UST: variants seen among roughly 807,000 people sequenced by gnomAD.
UST encodes the protein chondroitin sulfate 2-O-sulfotransferase.
Under a neutral mutation model 45.6 loss-of-function variants are expected in UST, and 21 were observed. The ratio of observed to expected loss-of-function variants is 0.46; its 90% CI spans 0.33 to 0.66. The LOEUF is 0.66. Among genes scored for constraint, UST ranks in the 30% least tolerant of loss-of-function variants. UST has a pLI of 0.02. For synonymous variants in UST, 215 were observed against 200.6 expected, an observed-to-expected ratio of 1.07 and a Z score of -0.61; for missense variants, 463 against 512.4, an observed-to-expected ratio of 0.90 and a Z score of 0.93.
At chr6:148,946,029 C>A (rs1298800447) in intron 3 of UST, among the ~76,000 whole-genome samples, 2 of 152,184 alleles carry the variant, frequency 1.3e-5, no homozygotes, top group Non-Finnish European at 2.9e-5. Flanking sequence ...AACACTATTT[C>A]CTTACAATAT....
intron 2 of UST, among the ~76,000 whole-genome samples, chr6:148,906,624 T>C (rs879758562): frequency 6.6e-6 from 1 of 152,202 alleles, no homozygotes; most frequent in Admixed American, 6.5e-5. Flanking sequence ...GGTGATAGTA[T>C]AGTATTTGGG....
At chr6:148,749,173 T>A (rs1775942344) in intron 1 of UST, among the ~76,000 whole-genome samples, 1 of 152,204 alleles carries the variant, frequency 6.6e-6, no homozygotes, top group Non-Finnish European at 1.5e-5. Flanking sequence ...ATAGAGGATT[T>A]GGGGCAATAT....
intron 7 of UST, among the ~76,000 whole-genome samples, chr6:149,035,724 C>T (rs1462658325): frequency 2.0e-5 from 3 of 151,758 alleles, no homozygotes; most frequent in African/African-American, 7.3e-5. Context: ...CAAGATTGTG[C>T]CACTGCGCTT....
At position 148,906,011 on chromosome 6, in the gene UST, A is replaced by C. The variant is rs150445351; in HGVS notation, c.291+18982A>C. Among the ~76,000 whole-genome samples the C allele has an allele frequency of 6.0e-3, 900 of 150,962 alleles. 9 individuals carry two copies. The highest frequency in any genetic ancestry group is 0.021 in the African/African-American group (843 of 40,262). ...ATACATCTTTTTTGGCTTAATGGAT[A>C]TGTACTAATTATGTGTACCTAGAGG... On this transcript the variant is annotated intron_variant, in intron 2 of 7. Transcript: ENST00000367463.
intron 1 of UST, among the ~76,000 whole-genome samples, chr6:148,854,172 G>A (rs1440323480): frequency 1.3e-5 from 2 of 152,208 alleles, no homozygotes. Flanking sequence ...ATTGCAGTGA[G>A]CATTGCCAAA....
At chr6:148,862,045 A>G (rs1003796947) in intron 1 of UST, among the ~76,000 whole-genome samples, 2 of 152,176 alleles carry the variant, frequency 1.3e-5, no homozygotes, top group Admixed American at 6.5e-5. Context: ...CAATTCCTGG[A>G]TATCCCTATT....
intron 5 of UST, among the ~76,000 whole-genome samples, chr6:149,001,524 A>G (rs1311771800): frequency 6.6e-6 from 1 of 152,234 alleles, no homozygotes; most frequent in Non-Finnish European, 1.5e-5. Flanking sequence ...AGTTAGGCTC[A>G]TAGCAGACTT....
At chr6:149,062,145 AT>A (rs574086656) in intron 7 of UST, among the ~76,000 whole-genome samples, 2 of 152,194 alleles carry the variant, frequency 1.3e-5, no homozygotes, top group Non-Finnish European at 2.9e-5. Context: ...TTGGCTAAGT[AT>A]TTGCAAGCGT....
At chr6:148,871,964 T>C (rs1371450541) in intron 1 of UST, among the ~76,000 whole-genome samples, 3 of 152,200 alleles carry the variant, frequency 2.0e-5, no homozygotes, top group Non-Finnish European at 4.4e-5. Flanking sequence ...TAACCTCTCA[T>C]TGCTTTGATT....
chr6:148,830,897 A>G (rs747610562), intron 1 of UST, among the ~76,000 whole-genome samples: 1 of 152,204 alleles, frequency 6.6e-6, no homozygotes, highest in Non-Finnish European at 1.5e-5. Flanking sequence ...TGACTGCACA[A>G]CATTGTGAAT....
chr6:148,758,166 C>G (rs879629395), intron 1 of UST, among the ~76,000 whole-genome samples: 39 of 152,262 alleles, frequency 2.6e-4, no homozygotes, highest in African/African-American at 8.4e-4. Context: ...CACTGATAAC[C>G]TGACTTCCAA....
chr6:148,821,268 G>T (rs886986836), intron 1 of UST, among the ~76,000 whole-genome samples: 1 of 151,938 alleles, frequency 6.6e-6, no homozygotes, highest in Non-Finnish European at 1.5e-5. Flanking sequence ...ACCGCACCTG[G>T]CTGTATTTTT....
chr6:148,917,636 C>T (rs1039179326), intron 2 of UST, among the ~76,000 whole-genome samples: 1 of 152,192 alleles, frequency 6.6e-6, no homozygotes, highest in Non-Finnish European at 1.5e-5. Context: ...ACACTGTACT[C>T]AAAATCTGAG....
intron 1 of UST, among the ~76,000 whole-genome samples, chr6:148,758,599 C>T (rs892940895): frequency 6.6e-6 from 1 of 152,192 alleles, no homozygotes; most frequent in African/African-American, 2.4e-5. Context: ...TCCAGTAGTA[C>T]GCCCACTTTC....
intron 5 of UST, among the ~76,000 whole-genome samples, chr6:148,995,176 CA>C (rs1781430412): frequency 6.6e-6 from 1 of 152,160 alleles, no homozygotes; most frequent in Non-Finnish European, 1.5e-5. Context: ...AGGCACGCAC[CA>C]CCACACTTGG....
intron 5 of UST, among the ~76,000 whole-genome samples, chr6:149,014,751 A>G (rs1368479010): frequency 1.3e-5 from 2 of 152,238 alleles, no homozygotes; most frequent in Non-Finnish European, 2.9e-5. Flanking sequence ...ATACACAGAC[A>G]GCTCATGAAG....
chr6:149,029,371 TATA>T (rs1776101244), intron 7 of UST, among the ~76,000 whole-genome samples: 1 of 147,154 alleles, frequency 6.8e-6, no homozygotes, highest in Admixed American at 6.8e-5. Context: ...ATATGTAATA[TATA>T]ATGTATATAT....
intron 1 of UST, among the ~76,000 whole-genome samples, chr6:148,817,077 A>C (rs1045167417): frequency 1.3e-5 from 2 of 152,206 alleles, no homozygotes; most frequent in African/African-American, 2.4e-5. Flanking sequence ...AATAGTTTTG[A>C]AGTATGCTAG....
chr6:148,795,118 C>T (rs933912725), intron 1 of UST, among the ~76,000 whole-genome samples: 1 of 152,172 alleles, frequency 6.6e-6, no homozygotes. Context: ...CTGTAATTTT[C>T]TGTAATATGA....
Sources: gnomAD v4.1 joint callset for allele counts (sites outside exome capture counted in the v4.1 genomes callset) on GRCh38, gnomAD v4.1.1 for gene constraint, MANE v1.5 for transcripts, NCBI Gene and HGNC (gene_info 2026-07-23, HGNC 2026-07-21) for gene names.